RYR2: variants seen among roughly 807,000 people sequenced by gnomAD.
RYR2 encodes the protein ryanodine receptor 2.
In RYR2, 227 loss-of-function variants were observed where a neutral mutation model predicts 601.1. That is an observed-to-expected ratio of 0.38 (90% CI 0.34 to 0.42). RYR2 has a LOEUF of 0.42. Among genes scored for constraint, RYR2 ranks in the 10% least tolerant of loss-of-function variants. The probability of loss-of-function intolerance (pLI) is 1.00; values close to 1 mark genes in which losing one functional copy is unlikely to be tolerated. For missense variants in RYR2, 4,646 were observed against 6,156.5 expected (o/e 0.75, Z 8.21); for synonymous variants, 2,223 against 2,175.1 (o/e 1.02, Z -0.61).
chr1:237,153,240 G>A (rs1260667627), intron 1 of RYR2, among the ~76,000 whole-genome samples: 2 of 152,168 alleles, frequency 1.3e-5, no homozygotes, highest in East Asian at 1.9e-4. Flanking sequence ...AGATTTGGGG[G>A]GAGGGGAAGG....
rs114192089 is a variant in RYR2, at chr1:237,055,188, C to T, written c.48+12619C>T. 6.6e-3 allele frequency among the ~76,000 whole-genome samples: 1,012 copies of T among 152,200 alleles called. 11 individuals carry two copies. The highest frequency in any genetic ancestry group is 0.017 in the Middle Eastern group (5 of 294). On this transcript the variant is annotated intron_variant, in intron 1 of 104. Transcript: ENST00000366574. The stretch of plus-strand genomic sequence containing the variant: ...TGCGAAGGCGGGAAGCACGGTGACA[C>T]GTTTGGGAGAGAGATGACGGGCGAG...
intron 61 of RYR2, among the ~76,000 whole-genome samples, chr1:237,679,846 A>C (rs1685709095): frequency 6.6e-6 from 1 of 152,174 alleles, no homozygotes. Flanking sequence ...AGCACGCCAG[A>C]CAGAGGGAAT....
chr1:237,397,673 G>C (rs527734677), intron 10 of RYR2, among the ~76,000 whole-genome samples: 111 of 151,952 alleles, frequency 7.3e-4, no homozygotes, highest in Non-Finnish European at 1.1e-3. Flanking sequence ...TAGGGGTAGG[G>C]GACTTAACAC....
intron 1 of RYR2, among the ~76,000 whole-genome samples, chr1:237,163,067 A>G (rs568480768): frequency 3.9e-4 from 60 of 152,322 alleles, no homozygotes; most frequent in African/African-American, 1.3e-3. Context: ...AGGTTGAACA[A>G]TAGCACACAC....
Position 237,309,693 on chromosome 1 carries a change from G to A in RYR2, c.169-21185G>A, listed in dbSNP as rs553849144. 7.0e-4 allele frequency among the ~76,000 whole-genome samples: 106 copies of A among 152,310 alleles called. No homozygotes were observed. In the Middle Eastern group the frequency reaches 0.01, roughly 15 times the overall value. On this transcript the variant is annotated intron_variant, in intron 2 of 104. Transcript: ENST00000366574. Reference sequence around the variant, plus strand: ...CATGGAGCAGGGGGCGGCGCTTGTCGGGGAGGCTCGGACACGCAGGAGCCC... The same window carrying A: ...CATGGAGCAGGGGGCGGCGCTTGTCAGGGAGGCTCGGACACGCAGGAGCCC...
chr1:237,827,026 G>A (rs768081775), intron 101 of RYR2, among the ~76,000 whole-genome samples: 2 of 152,066 alleles, frequency 1.3e-5, no homozygotes, highest in African/African-American at 2.4e-5. Flanking sequence ...TATCTTTTCC[G>A]CTTAACACAT....
At chr1:237,600,818 A>G (rs146797607) in intron 34 of RYR2, among the ~76,000 whole-genome samples, 19 of 152,340 alleles carry the variant, frequency 1.2e-4, no homozygotes, top group African/African-American at 4.1e-4. Context: ...AAGGCATACA[A>G]ATGGCCAACA....
chr1:237,167,670 T>C (rs973002842), intron 1 of RYR2, among the ~76,000 whole-genome samples: 1 of 151,798 alleles, frequency 6.6e-6, no homozygotes, highest in Non-Finnish European at 1.5e-5. Context: ...TAATGTGATA[T>C]TATATGAAAC....
intron 28 of RYR2, among the ~76,000 whole-genome samples, chr1:237,567,972 T>TG (rs1055533564): frequency 2.6e-5 from 3 of 114,922 alleles, no homozygotes; most frequent in African/African-American, 8.5e-5. Flanking sequence ...TTTGGGGGGT[T>TG]GGGGGGCGGT....
chr1:237,586,118 A>T (rs1289789178), intron 29 of RYR2, among the ~76,000 whole-genome samples: 2 of 152,122 alleles, frequency 1.3e-5, no homozygotes, highest in Admixed American at 6.5e-5. Context: ...TGGTTTTTTT[A>T]AAATCAACTT....
chr1:237,600,687 T>C (rs1268870103), intron 34 of RYR2, among the ~76,000 whole-genome samples: 1 of 152,138 alleles, frequency 6.6e-6, no homozygotes. Context: ...GACAAAATAT[T>C]TGTAAACTAT....
At chr1:237,517,870 C>A (rs975642478) in intron 24 of RYR2, among the ~76,000 whole-genome samples, 1 of 152,016 alleles carries the variant, frequency 6.6e-6, no homozygotes, top group Non-Finnish European at 1.5e-5. Context: ...AGGTATCCAG[C>A]GCATAACATT....
chr1:237,623,643 C>T (rs985676711), intron 38 of RYR2, 122 bp from the exon 39 acceptor site: 1 of 610,128 alleles, frequency 1.6e-6, no homozygotes, highest in South Asian at 2.0e-5. Flanking sequence ...CTGCCCACCT[C>T]AGCCTCCCAG....
chr1:237,684,872 T>C (rs1163699927), intron 62 of RYR2, among the ~76,000 whole-genome samples: 1 of 151,544 alleles, frequency 6.6e-6, no homozygotes, highest in African/African-American at 2.4e-5. Context: ...TGGAGAATTA[T>C]TACATTTACA....
intron 35 of RYR2, among the ~76,000 whole-genome samples, chr1:237,603,324 G>A (rs1363130518): frequency 6.6e-6 from 1 of 152,116 alleles, no homozygotes; most frequent in Non-Finnish European, 1.5e-5. Context: ...ATAAGTGGGA[G>A]GCCCCTGGTG....
chr1:237,685,157 G>A (rs1430319098), intron 62 of RYR2, among the ~76,000 whole-genome samples: 2 of 152,070 alleles, frequency 1.3e-5, no homozygotes, highest in Admixed American at 6.6e-5. Context: ...TTGGAAATGA[G>A]GGGAAGCAGA....
chr1:237,544,259 A>C (rs1669575753), intron 25 of RYR2, among the ~76,000 whole-genome samples: 1 of 152,186 alleles, frequency 6.6e-6, no homozygotes, highest in Non-Finnish European at 1.5e-5. Flanking sequence ...GATGGCACAG[A>C]GAATGTGCAT....
At chr1:237,548,699 C>T (rs1403556323) in intron 26 of RYR2, 109 bp downstream of exon 26, 2 of 1,315,846 alleles carry the variant, frequency 1.5e-6, no homozygotes, top group Non-Finnish European at 2.1e-6. Context: ...TCATATAGAT[C>T]ACATATAGTG....
intron 12 of RYR2, among the ~76,000 whole-genome samples, chr1:237,436,356 C>T (rs937686220): frequency 2.6e-5 from 4 of 151,482 alleles, no homozygotes; most frequent in Non-Finnish European, 5.9e-5. Context: ...CCCTCATAGA[C>T]CCCTTCAGCA....
Sources: gnomAD v4.1 joint callset for allele counts (sites outside exome capture counted in the v4.1 genomes callset) on GRCh38, gnomAD v4.1.1 for gene constraint, MANE v1.5 for transcripts, NCBI Gene and HGNC (gene_info 2026-07-23, HGNC 2026-07-21) for gene names.